The following LMO2 variants were observed in gnomAD, a reference collection of about 807,000 sequenced individuals.
The protein encoded by LMO2 is LIM domain only 2, also known as rhombotin-2.
Under a neutral mutation model 23.2 loss-of-function variants are expected in LMO2, and 20 were observed. The observed-to-expected ratio is 0.86, with a 90% CI of 0.61 to 1.25. The LOEUF (loss-of-function observed/expected upper bound fraction) is 1.25. Ranked by LOEUF, LMO2 falls within the 50% of genes most tolerant of loss-of-function variation. LMO2 has a pLI of 0.00. For missense variants in LMO2, 270 were observed against 315.3 expected, an observed-to-expected ratio of 0.86 and a Z score of 1.09; for synonymous variants, 123 against 130.2, an observed-to-expected ratio of 0.94 and a Z score of 0.38.
intron 1 of LMO2, among the ~76,000 whole-genome samples, chr11:33,888,633 A>G (rs1029072608): frequency 1.3e-5 from 2 of 152,234 alleles, no homozygotes; most frequent in African/African-American, 4.8e-5. Context: ...AGACACTAAT[A>G]ACCCGGGCCA....
chr11:33,874,025 T>G (rs1234347878), intron 2 of LMO2, among the ~76,000 whole-genome samples: 1 of 152,244 alleles, frequency 6.6e-6, no homozygotes, highest in Non-Finnish European at 1.5e-5. Context: ...GCTTTGTCAC[T>G]TGTGACATTC....
rs755080691 is a variant in LMO2, at chr11:33,864,609, A to G, written c.457T>C (p.Tyr153His). ...GAGTGCCGGGGAGGGTACCTGAGAT[A>G]GTCTCTCCGGCAGAGCTTCCGGCCC... ...KLGRKLCRRDYLRLFGQDGLC... is the reference protein window; with the variant it reads ...KLGRKLCRRDHLRLFGQDGLC... Residue 153 changes from tyrosine to histidine, a missense_variant, in exon 5 of 6, where the codon TAT becomes CAT. Physicochemically the swap from Tyr to His is moderately conservative, Grantham distance 83. This residue lies in a region of LMO2 where 100 missense variants were observed against 153.3 expected (regional missense o/e 0.65). Transcript: ENST00000257818. The surrounding 1 kb of genome is among the most constrained non-coding windows in gnomAD (Gnocchi z 4.8). 1 of 1,612,804 alleles carries G rather than the reference A, an allele frequency of 6.2e-7. No homozygotes were observed.
chr11:33,888,565 A>AT (rs1435203951), intron 1 of LMO2, among the ~76,000 whole-genome samples: 1 of 151,994 alleles, frequency 6.6e-6, no homozygotes, highest in Non-Finnish European at 1.5e-5. Flanking sequence ...TTCCGGGAAC[A>AT]TTCTTCCCCA....
chr11:33,871,871 G>A (rs1160259702), intron 2 of LMO2, among the ~76,000 whole-genome samples: 2 of 152,090 alleles, frequency 1.3e-5, no homozygotes, highest in Non-Finnish European at 2.9e-5. Flanking sequence ...TTTAATCTGA[G>A]GAGGCAGTAT....
Position 33,864,685 on chromosome 11 carries a change from G to A in LMO2, c.381C>T (p.Asp127=). The change falls in exon 5 of 6, where the codon GAC becomes GAT. Residue 127 remains aspartate (D), a synonymous_variant. Coordinates refer to ENST00000257818, the MANE Select transcript of LMO2 (RefSeq NM_005574.4). This position sits in a 1 kb window ranked among gnomAD's most constrained non-coding sequence, Gnocchi z 4.8. ...CCTCACCCAGCCGGCAGCCACAGAGGTCGCAGCTCAGGCAGTCCTCGTGCC... is the reference window on the plus strand; with the variant it reads ...CCTCACCCAGCCGGCAGCCACAGAGATCGCAGCTCAGGCAGTCCTCGTGCC... ...QYWHEDCLSC[D]LCGCRLGEVG... is the part of the protein sequence containing the mutation. 6.2e-7 allele frequency: 1 copy of A among 1,614,094 alleles called. No individual in the cohort carries two copies.
chr11:33,861,774 C>T (rs1856590977), intron 5 of LMO2, among the ~76,000 whole-genome samples: 1 of 152,136 alleles, frequency 6.6e-6, no homozygotes, highest in South Asian at 2.1e-4. Flanking sequence ...AATTACAACC[C>T]ACATCAGGCA....
chr11:33,862,594 A>G (rs971831704), intron 5 of LMO2, among the ~76,000 whole-genome samples: 3 of 70,410 alleles, frequency 4.3e-5, no homozygotes, highest in Admixed American at 1.8e-4. Flanking sequence ...CCTCACGGGG[A>G]CAAGTTATCC....
intron 1 of LMO2, among the ~76,000 whole-genome samples, chr11:33,887,346 A>T (rs1857434698): frequency 1.3e-5 from 2 of 151,924 alleles, no homozygotes; most frequent in Admixed American, 1.3e-4. Context: ...TGAGGGAAGG[A>T]CTCATTACCG....
At chr11:33,866,086 C>A (rs958416420) in intron 4 of LMO2, among the ~76,000 whole-genome samples, 1 of 152,176 alleles carries the variant, frequency 6.6e-6, no homozygotes, top group East Asian at 1.9e-4. Context: ...ACTTACCAGG[C>A]GACCTTGTGT....
At chr11:33,890,316 T>C (rs1857514443) in intron 1 of LMO2, among the ~76,000 whole-genome samples, 1 of 152,134 alleles carries the variant, frequency 6.6e-6, no homozygotes, top group African/African-American at 2.4e-5. Flanking sequence ...TGTCACAAAA[T>C]TGTACTTGTT....
Position 33,859,447 on chromosome 11 carries a change from A to G in LMO2, c.593T>C (p.Phe198Ser). 1.9e-6 allele frequency: 3 copies of G among 1,614,178 alleles called. No homozygotes were observed. Among genetic ancestry groups the G allele is most frequent in the Non-Finnish European group, 2.5e-6 (3 of 1,180,010 alleles). ...GAGGAGGTATCTGTCACCTACACAG[A>G]AATGCTTCTGACAGGCGGCGCATTT... ...CFKCAACQKH[F>S]CVGDRYLLIN... Residue 198 changes from phenylalanine to serine, a missense_variant, in exon 6 of 6, where the codon TTC becomes TCC. By Grantham distance (155) the Phe-to-Ser change is radical. Around this residue, in one of 2 missense-constraint regions of LMO2, gnomAD observed 100 missense variants for 153.3 expected, o/e 0.65. Transcript: ENST00000257818.
chr11:33,869,905 C>T lies in LMO2; in HGVS notation c.-189G>A. ...GCCTAGGGGCGGGGAGGGGACCGTGCGTCTCTCTCCGGGCTTCCTCCTCTC... is the reference window on the plus strand; with the variant it reads ...GCCTAGGGGCGGGGAGGGGACCGTGTGTCTCTCTCCGGGCTTCCTCCTCTC... On this transcript the variant is annotated 5_prime_UTR_variant, in exon 3 of 6. Coordinates refer to ENST00000257818, the MANE Select transcript of LMO2 (RefSeq NM_005574.4). The T allele has an allele frequency of 9.5e-7, 1 of 1,049,336 alleles. No homozygotes were observed. The allele number at this position is 1,049,336 out of a possible 1,614,324, so 65.0% of individuals were successfully genotyped here.
chr11:33,882,816 C>T (rs1857317696), intron 1 of LMO2, among the ~76,000 whole-genome samples: 1 of 152,134 alleles, frequency 6.6e-6, no homozygotes, highest in South Asian at 2.1e-4. Context: ...ATAACTTTCC[C>T]AGGGTCATAC....
At chr11:33,873,055 G>A (rs774487121) in intron 2 of LMO2, among the ~76,000 whole-genome samples, 35 of 152,098 alleles carry the variant, frequency 2.3e-4, no homozygotes, top group Admixed American at 1.2e-3. Context: ...GAGCCACCGC[G>A]CCTGGCCACA....
rs1340399876 is a variant in LMO2, at chr11:33,864,719, T to G, written c.347A>C (p.Asp116Ala). 44 of 1,613,850 alleles carry G rather than the reference T, an allele frequency of 2.7e-5. No homozygotes were observed. The highest frequency in any genetic ancestry group is 3.6e-5 in the Non-Finnish European group (43 of 1,180,014). Residue 116 changes from aspartate (D) to alanine (A), a missense_variant, in exon 5 of 6, where the codon GAC becomes GCC. By Grantham distance (126) the Asp-to-Ala change is moderately radical. Transcript: ENST00000257818. This position sits in a 1 kb window ranked among gnomAD's most constrained non-coding sequence, Gnocchi z 4.8. ...IGDRYFLKAI[D>A]QYWHEDCLSC... ...CAGGCAGTCCTCGTGCCAGTACTGG[T>G]CGATGGCCTTCAGGAAGTAGCGGTC...
chr11:33,878,095 A>T (rs1429141619), intron 2 of LMO2, among the ~76,000 whole-genome samples: 1 of 152,190 alleles, frequency 6.6e-6, no homozygotes, highest in African/African-American at 2.4e-5. Flanking sequence ...TAGAGAAAAG[A>T]GGCAGACTGG....
At chr11:33,882,164 T>TC (rs972042905) in intron 1 of LMO2, among the ~76,000 whole-genome samples, 1 of 152,124 alleles carries the variant, frequency 6.6e-6, no homozygotes, top group Non-Finnish European at 1.5e-5. Flanking sequence ...CTTTTTTTTT[T>TC]CTTCTTATTC....
At chr11:33,890,406 C>T (rs1438733013) in intron 1 of LMO2, among the ~76,000 whole-genome samples, 1 of 152,140 alleles carries the variant, frequency 6.6e-6, no homozygotes, top group Non-Finnish European at 1.5e-5. Context: ...GGCTGGAGTG[C>T]AATAGTGCCA....
chr11:33,874,112 C>T (rs75576903), intron 2 of LMO2, among the ~76,000 whole-genome samples: 3,789 of 151,638 alleles, frequency 0.025, 67 homozygotes, highest in Middle Eastern at 0.054. Flanking sequence ...AATAGGGTTT[C>T]GGCTCCCATG....
Sources: allele counts gnomAD v4.1 joint callset (sites outside exome capture counted in the v4.1 genomes callset), GRCh38; gene constraint gnomAD v4.1.1; regional missense constraint gnomAD v4.1.1; non-coding constraint Gnocchi (gnomAD v3.1); transcripts MANE v1.5; gene names NCBI Gene and HGNC (gene_info 2026-07-23, HGNC 2026-07-21).